The following NBPF15 variants were observed in gnomAD, a reference collection of about 807,000 sequenced individuals.
The protein encoded by NBPF15 is NBPF member 15.
NBPF15 carries 74 observed loss-of-function variants against 62.2 expected under a neutral mutation model. The ratio of observed to expected loss-of-function variants is 1.19; its 90% CI spans 0.99 to 1.44. NBPF15 has a LOEUF of 1.44. Ranked by LOEUF, NBPF15 falls within the 40% of genes most tolerant of loss-of-function variation. The pLI, the probability that NBPF15 is intolerant of heterozygous loss-of-function variation, is 0.00. For missense variants in NBPF15, 790 were observed against 550.0 expected (o/e 1.44, Z -4.36); for synonymous variants, 244 against 209.7 (o/e 1.16, Z -1.41).
chr1:144,456,302 A>T (rs1237304450), intron 4 of NBPF15, among the ~76,000 whole-genome samples: 1 of 151,382 alleles, frequency 6.6e-6, no homozygotes, highest in Non-Finnish European at 1.5e-5. Context: ...TGGAGAGAAC[A>T]CTCTCCTCTC....
chr1:144,444,319 A>G (rs1253012951), intron 6 of NBPF15, among the ~76,000 whole-genome samples: 1 of 151,110 alleles, frequency 6.6e-6, no homozygotes, highest in Admixed American at 6.6e-5. Context: ...GGAATGTAAC[A>G]AAAGCCCACC....
chr1:144,451,027 T>C (rs9438131), intron 4 of NBPF15, among the ~76,000 whole-genome samples, 157 bp from the exon 5 acceptor site: 3,659 of 151,998 alleles, frequency 0.024, 88 homozygotes, highest in Middle Eastern at 0.065. Flanking sequence ...GTTCAGCATA[T>C]GGAGGACCCA....
Position 144,427,088 on chromosome 1 carries a change from C to A in NBPF15, c.1224G>T (p.Lys408Asn). 2 of 579,280 alleles carry A rather than the reference C, an allele frequency of 3.5e-6. No individual in the cohort carries two copies. Among genetic ancestry groups the A allele is most frequent in the Non-Finnish European group, 6.0e-6 (2 of 334,298 alleles). 35.9% of individuals were successfully genotyped at this position (579,280 alleles called of 1,614,324 possible). A position where few individuals can be genotyped will look rare whatever the true frequency, so the allele number is the denominator to read the frequency against. Residue 408 changes from lysine to asparagine, a missense_variant, in exon 17 of 22, where the codon AAG becomes AAT. Transcript: ENST00000581897. Reference protein sequence around the residue: ...GLAIDMDEIEKYQEVEEDQDP... With the variant: ...GLAIDMDEIENYQEVEEDQDP... ...CTTGGTCTTCTTCCACTTCTTGGTA[C>A]TTTTCAATTTCTGCAATAAGTTCAG...
chr1:144,423,890 A>G lies in NBPF15; in HGVS notation c.1749T>C (p.Asp583=), dbSNP rs1667585040. 1 of 774,502 alleles carries G rather than the reference A, an allele frequency of 1.3e-6. No homozygotes were observed. The highest frequency in any genetic ancestry group is 2.4e-5 in the East Asian group (1 of 41,266). The allele number at this position is 774,502 out of a possible 1,614,324, so 48.0% of individuals were successfully genotyped here. ...GTTACCTGGGGCATGGTGGGTTGTC[A>G]TCTTCCCCTTCTTTTCTTCCCCTTC... ...KRRRGRKEGE[D]DNPPCPRLYG... is the part of the protein sequence containing the mutation. Residue 583 remains aspartate, a synonymous_variant, in exon 21 of 22, where the codon GAT becomes GAC. Coordinates refer to ENST00000581897, the MANE Select transcript of NBPF15 (RefSeq NM_001385408.1).
At chr1:144,434,498 C>T (rs1240388877) in intron 12 of NBPF15, among the ~76,000 whole-genome samples, 7 of 109,366 alleles carry the variant, frequency 6.4e-5, no homozygotes, top group South Asian at 3.4e-4. Flanking sequence ...AAGACTCCAT[C>T]GCAAAAAAAA....
intron 4 of NBPF15, among the ~76,000 whole-genome samples, chr1:144,451,720 G>A (rs1439538217): frequency 1.3e-5 from 2 of 151,332 alleles, no homozygotes; most frequent in African/African-American, 4.9e-5. Context: ...ATGTCTTAGG[G>A]AGCACAGGGT....
rs587646539 is a variant in NBPF15, at chr1:144,423,320, G to T, written c.1770-64C>A. On this transcript the variant is annotated intron_variant, in intron 21 of 21. Transcript: ENST00000581897. ...AATCAGACACCACAGAGCCCCACTAGATTTCAGAAGTAATATAAGGAAGTG... is the reference window on the plus strand; with the variant it reads ...AATCAGACACCACAGAGCCCCACTATATTTCAGAAGTAATATAAGGAAGTG... The T allele has an allele frequency of 4.0e-5, 64 of 1,611,022 alleles. 1 individual carries two copies. Among genetic ancestry groups the T allele is most frequent in the Non-Finnish European group, 5.2e-5 (61 of 1,179,456 alleles).
intron 3 of NBPF15, among the ~76,000 whole-genome samples, chr1:144,458,305 TAAAG>T (rs1553547584): frequency 6.6e-6 from 1 of 151,886 alleles, no homozygotes; most frequent in African/African-American, 2.4e-5. Context: ...GATAAATAAA[TAAAG>T]AGTCAAGACT....
At chr1:144,439,008 C>G (rs1252088284) in intron 8 of NBPF15, among the ~76,000 whole-genome samples, 1 of 151,294 alleles carries the variant, frequency 6.6e-6, no homozygotes, top group African/African-American at 2.4e-5. Flanking sequence ...TTTTTTTTAA[C>G]AGTCTTGCCC....
In NBPF15 at chr1:144,434,468, T is replaced by G. The variant is rs1271277879; in HGVS notation, c.772+643A>C. Among the ~76,000 whole-genome samples, 90 of 140,764 alleles carry G rather than the reference T, an allele frequency of 6.4e-4. 1 individual carries two copies. The highest frequency in any genetic ancestry group is 2.3e-3 in the African/African-American group (84 of 36,694). The allele number at this position is 140,764 out of a possible 152,430, so 92.3% of individuals were successfully genotyped here. ...CCAAGCCAAGATGGTGCCACTGCAC[T>G]CCAGCCTGGGTGACAGAGCAAGACT... On this transcript the variant is annotated intron_variant, in intron 12 of 21. Coordinates refer to ENST00000581897, the MANE Select transcript of NBPF15 (RefSeq NM_001385408.1).
At chr1:144,434,389 A>G (rs1676655096) in intron 12 of NBPF15, among the ~76,000 whole-genome samples, 1 of 148,144 alleles carries the variant, frequency 6.8e-6, no homozygotes, top group South Asian at 2.2e-4. Context: ...TGGTCCCAGC[A>G]ACTCAGGAGG....
At chr1:144,427,676 G>C (rs1180821417) in intron 16 of NBPF15, 142 bp downstream of exon 16, 1 of 634,276 alleles carries the variant, frequency 1.6e-6, no homozygotes, top group South Asian at 1.9e-5. Flanking sequence ...TGGAACTAGA[G>C]TTTCATTCAA....
intron 13 of NBPF15, among the ~76,000 whole-genome samples, chr1:144,430,371 A>T (rs1673256541): frequency 2.6e-5 from 4 of 151,900 alleles, no homozygotes; most frequent in Admixed American, 2.0e-4. Flanking sequence ...GCATGTATAC[A>T]CCTCTCCCTG....
In NBPF15 at chr1:144,424,709, G is replaced by T; in HGVS notation, c.1644C>A (p.Gly548=). 1 of 621,994 alleles carries T rather than the reference G, an allele frequency of 1.6e-6. No homozygotes were observed. 38.5% of individuals were successfully genotyped at this position (621,994 alleles called of 1,614,324 possible). A position where few individuals can be genotyped will look rare whatever the true frequency, so the allele number is the denominator to read the frequency against. The change falls in exon 20 of 22, where the codon GGC becomes GGA. Residue 548 remains glycine, a synonymous_variant. Coordinates refer to ENST00000581897, the MANE Select transcript of NBPF15 (RefSeq NM_001385408.1). ...ACTCACCTCCCACGTCAAGAGAAAAGCCAACATGTTTTTCCTCCAATGCAT... is the reference window on the plus strand; with the variant it reads ...ACTCACCTCCCACGTCAAGAGAAAATCCAACATGTTTTTCCTCCAATGCAT... ...SFYALEEKHV[G]FSLDVGEIEK...
intron 6 of NBPF15, among the ~76,000 whole-genome samples, 184 bp downstream of exon 6, chr1:144,448,591 A>G (rs1689185909): frequency 6.6e-6 from 1 of 152,056 alleles, no homozygotes; most frequent in African/African-American, 2.4e-5. Context: ...GAATGCCCAT[A>G]AAATTATTAT....
In NBPF15 at chr1:144,422,806, T is replaced by C. The variant is rs1666624089; in HGVS notation, c.*207A>G. The C allele has an allele frequency of 7.1e-6, 9 of 1,269,412 alleles. No homozygotes were observed. Among genetic ancestry groups the C allele is most frequent in the East Asian group, 2.3e-5 (1 of 42,776 alleles). The allele number at this position is 1,269,412 out of a possible 1,614,324, so 78.6% of individuals were successfully genotyped here. ...ACTCCCGGCATGTTCTGCACAGTTA[T>C]GTGAACGTGTCACACCTAACATGGG... On this transcript the variant is annotated 3_prime_UTR_variant, in exon 22 of 22. Coordinates refer to ENST00000581897, the MANE Select transcript of NBPF15 (RefSeq NM_001385408.1).
chr1:144,430,810 G>A (rs1443273485), intron 13 of NBPF15, among the ~76,000 whole-genome samples: 2 of 145,314 alleles, frequency 1.4e-5, no homozygotes, highest in East Asian at 2.0e-4. Context: ...CTCATCTCAA[G>A]GAAGCTAAAA....
Position 144,432,676 on chromosome 1 carries a change from A to C in NBPF15, c.824+1097T>G, listed in dbSNP as rs1252460656. The stretch of plus-strand genomic sequence containing the variant: ...TTGCAATCCTAGTCTCTGATAAAAC[A>C]GACTTTAAACCAACAAAGATCAAAA... On this transcript the variant is annotated intron_variant, in intron 13 of 21. Coordinates refer to ENST00000581897, the MANE Select transcript of NBPF15 (RefSeq NM_001385408.1). Among the ~76,000 whole-genome samples the C allele has an allele frequency of 1.2e-4, 19 of 152,162 alleles. No individual in the cohort carries two copies. The South Asian group carries it at 3.5e-3, about 28-fold the overall frequency.
chr1:144,455,089 GAGGAAGGAAGGAAGGA>G (rs142085487), intron 4 of NBPF15, among the ~76,000 whole-genome samples: 3 of 139,926 alleles, frequency 2.1e-5, no homozygotes, highest in Non-Finnish European at 4.7e-5. Context: ...GGGAAGGAAG[GAGGAAGGAAGGAAGGA>G]AGGAAGGAAG....
Sources: gnomAD v4.1 joint callset for allele counts (sites outside exome capture counted in the v4.1 genomes callset) on GRCh38, gnomAD v4.1.1 for gene constraint, MANE v1.5 for transcripts, NCBI Gene and HGNC (gene_info 2026-07-23, HGNC 2026-07-21) for gene names.